Variants in AP3S2 observed in about 807,000 individuals in gnomAD.
AP3S2 encodes adaptor related protein complex 3 subunit sigma 2.
A neutral mutation model predicts 23.4 loss-of-function variants in AP3S2; 22 were observed. That is an observed-to-expected ratio of 0.94 (90% CI 0.67 to 1.34). AP3S2 has a LOEUF of 1.34. Among genes scored for constraint, AP3S2 ranks in the 40% most tolerant of loss-of-function variants. The probability of loss-of-function intolerance (pLI) is 0.00; values close to 1 mark genes in which losing one functional copy is unlikely to be tolerated. For synonymous variants in AP3S2, 86 were observed against 87.1 expected, an observed-to-expected ratio of 0.99 and a Z score of 0.07; for missense variants, 241 against 236.9, an observed-to-expected ratio of 1.02 and a Z score of -0.11.
chr15:89,858,515 GAGAGAGAGAGAAAGAAAGAAAGAA>G lies in AP3S2; in HGVS notation c.345+12936_345+12959del, dbSNP rs776293622. Reference sequence around the variant, plus strand: ...AGAAAGAGAGAGAGAGAGAGAGAGAGAGAGAGAGAGAAAGAAAGAAAGAAAGAAAGAAAGAAAGAAAGAAAGAGA... The same window carrying G: ...AGAAAGAGAGAGAGAGAGAGAGAGAGAGAAAGAAAGAAAGAAAGAAAGAGA... On this transcript the variant is annotated intron_variant, in intron 4 of 5. Transcript: ENST00000336418. 5.7e-3 allele frequency among the ~76,000 whole-genome samples: 262 copies of G among 46,210 alleles called. 3 individuals are homozygous for G. Among genetic ancestry groups the G allele is most frequent in the African/African-American group, 0.013 (192 of 14,232 alleles). The allele number at this position is 46,210 out of a possible 152,430, so 30.3% of individuals were successfully genotyped here.
At chr15:89,865,060 T>G (rs1054075916) in intron 4 of AP3S2, among the ~76,000 whole-genome samples, 1 of 152,170 alleles carries the variant, frequency 6.6e-6, no homozygotes, top group Admixed American at 6.5e-5. Flanking sequence ...AGGACAGGCT[T>G]GGTTAAGTCA....
chr15:89,867,281 C>G (rs1343075856), intron 4 of AP3S2, among the ~76,000 whole-genome samples: 8 of 150,422 alleles, frequency 5.3e-5, no homozygotes, highest in African/African-American at 9.7e-5. Context: ...CCCGAGGTGC[C>G]GGGATTGCAG....
chr15:89,840,822 G>A (rs781175434), intron 4 of AP3S2, among the ~76,000 whole-genome samples: 8 of 152,180 alleles, frequency 5.3e-5, no homozygotes, highest in Non-Finnish European at 1.2e-4. Flanking sequence ...GCAGCAGAAT[G>A]GTGCTGATTC....
At position 89,832,486 on chromosome 15, in the gene AP3S2, ATTTTTTTTTT is replaced by A. The variant is rs34112328; in HGVS notation, c.*3019_*3028del. On this transcript the variant is annotated 3_prime_UTR_variant, in exon 6 of 6. Transcript: ENST00000336418. Reference sequence around the variant, plus strand: ...CTAGTATTCTATACAACCTTAACCTATTTTTTTTTTTTTTTTTTTTGAGACGGAGTCTTGC... The same window carrying A: ...CTAGTATTCTATACAACCTTAACCTATTTTTTTTTTGAGACGGAGTCTTGC... 8.6e-6 allele frequency: 1 copy of A among 115,904 alleles called. No homozygotes were observed. Among genetic ancestry groups the A allele is most frequent in the Non-Finnish European group, 1.7e-5 (1 of 58,558 alleles). The allele number at this position is 115,904 out of a possible 1,614,324, so 7.2% of individuals were successfully genotyped here.
intron 4 of AP3S2, among the ~76,000 whole-genome samples, chr15:89,857,958 G>A (rs1287417298): frequency 6.6e-6 from 1 of 152,150 alleles, no homozygotes; most frequent in Non-Finnish European, 1.5e-5. Context: ...ATGTTGAGGA[G>A]ATTTCCATCA....
Position 89,835,556 on chromosome 15 carries a change from C to T in AP3S2, c.541G>A (p.Asp181Asn). The T allele has an allele frequency of 1.9e-6, 3 of 1,613,928 alleles. No individual in the cohort carries two copies. The highest frequency in any genetic ancestry group is 1.6e-4 in the Middle Eastern group (1 of 6,062). ...PEIPRNINIG[D>N]LNIKVPNLSQ... is the part of the protein sequence containing the mutation. ...AGGTTGGGAACTTTGATGTTGAGAT[C>T]GCCAATGTTGATGTTCCGAGGAATC... Residue 181 changes from aspartate (D) to asparagine (N), a missense_variant, in exon 6 of 6, where the codon GAT becomes AAT. Coordinates refer to ENST00000336418, the MANE Select transcript of AP3S2 (RefSeq NM_005829.5).
intron 4 of AP3S2, among the ~76,000 whole-genome samples, chr15:89,864,566 AT>A (rs780091812): frequency 8.1e-4 from 116 of 143,798 alleles, no homozygotes; most frequent in South Asian, 2.2e-3. Flanking sequence ...CTACCAACAC[AT>A]TTTTTTTTTT....
intron 4 of AP3S2, among the ~76,000 whole-genome samples, chr15:89,850,181 T>A (rs1405140371): frequency 6.6e-6 from 1 of 152,242 alleles, no homozygotes; most frequent in Non-Finnish European, 1.5e-5. Flanking sequence ...CACCTGCTCT[T>A]AGTGTCTTCT....
chr15:89,856,608 A>C (rs886732706), intron 4 of AP3S2, among the ~76,000 whole-genome samples: 10 of 151,466 alleles, frequency 6.6e-5, no homozygotes, highest in African/African-American at 2.4e-4. Flanking sequence ...AGGCTGAGGC[A>C]GGAGAATTGC....
chr15:89,847,214 TA>T (rs1292860929), intron 4 of AP3S2, among the ~76,000 whole-genome samples: 66 of 141,112 alleles, frequency 4.7e-4, no homozygotes, highest in Admixed American at 5.0e-4. Flanking sequence ...TCTGTCTCTC[TA>T]AAAAAAAAAA....
intron 4 of AP3S2, among the ~76,000 whole-genome samples, chr15:89,858,716 A>G (rs1284648277): frequency 1.3e-5 from 2 of 152,240 alleles, no homozygotes; most frequent in Non-Finnish European, 2.9e-5. Context: ...TCTGCAACAT[A>G]TCCAAGTAAT....
chr15:89,874,432 A>G (rs1283179607), intron 3 of AP3S2, among the ~76,000 whole-genome samples: 1 of 152,208 alleles, frequency 6.6e-6, no homozygotes, highest in Non-Finnish European at 1.5e-5. Context: ...ACCTGGGTGC[A>G]GTCTTTCTAG....
intron 3 of AP3S2, among the ~76,000 whole-genome samples, chr15:89,878,642 C>T (rs1286110638): frequency 6.6e-6 from 1 of 152,130 alleles, no homozygotes; most frequent in Non-Finnish European, 1.5e-5. Context: ...CTCACTGCAG[C>T]CCTGATCTCC....
chr15:89,875,280 A>T (rs1478620167), intron 3 of AP3S2, among the ~76,000 whole-genome samples: 1 of 152,218 alleles, frequency 6.6e-6, no homozygotes, highest in East Asian at 1.9e-4. Flanking sequence ...CATGAAACTA[A>T]GACTGGGTTC....
intron 4 of AP3S2, among the ~76,000 whole-genome samples, chr15:89,867,631 C>A (rs1421758694): frequency 7.6e-6 from 1 of 131,528 alleles, no homozygotes; most frequent in East Asian, 2.5e-4. Flanking sequence ...GGCCGCCCAT[C>A]GTCTGAGATG....
chr15:89,839,546 G>C (rs1248831070), intron 4 of AP3S2, among the ~76,000 whole-genome samples: 3 of 152,110 alleles, frequency 2.0e-5, no homozygotes, highest in Non-Finnish European at 4.4e-5. Flanking sequence ...ATTCCCTGGG[G>C]GAATTCCACT....
intron 4 of AP3S2, among the ~76,000 whole-genome samples, chr15:89,866,327 T>A (rs1173949826): frequency 6.7e-6 from 1 of 149,776 alleles, no homozygotes; most frequent in African/African-American, 2.5e-5. Context: ...ATGAACTAGC[T>A]TAGACTAGGG....
At chr15:89,891,188 A>C (rs954570142) in intron 1 of AP3S2, among the ~76,000 whole-genome samples, 2 of 152,334 alleles carry the variant, frequency 1.3e-5, no homozygotes, top group Admixed American at 6.5e-5. Flanking sequence ...AATTGCTTAC[A>C]TGCCTCAGTG....
intron 4 of AP3S2, among the ~76,000 whole-genome samples, chr15:89,854,079 GC>G (rs1895738189): frequency 2.2e-5 from 1 of 45,630 alleles, no homozygotes; most frequent in Non-Finnish European, 4.5e-5. Context: ...TGGGGGGTCA[GC>G]CCCCCCGCCC....
Sources: allele counts gnomAD v4.1 joint callset (sites outside exome capture counted in the v4.1 genomes callset), GRCh38; gene constraint gnomAD v4.1.1; transcripts MANE v1.5; gene names NCBI Gene and HGNC (gene_info 2026-07-23, HGNC 2026-07-21).